Variants in NKAIN2 observed in about 807,000 individuals in gnomAD.
The protein encoded by NKAIN2 is sodium/potassium-transporting ATPase subunit beta-1-interacting protein 2.
In NKAIN2, 14 loss-of-function variants were observed where a neutral mutation model predicts 32.6. The observed-to-expected ratio is 0.43, with a 90% CI of 0.28 to 0.67. The LOEUF is 0.67. Ranked by LOEUF, NKAIN2 falls within the 30% of genes least tolerant of loss-of-function variation. The pLI, the probability that NKAIN2 is intolerant of heterozygous loss-of-function variation, is 0.17. For synonymous variants in NKAIN2, 80 were observed against 87.2 expected, an observed-to-expected ratio of 0.92 and a Z score of 0.46; for missense variants, 198 against 258.3, an observed-to-expected ratio of 0.77 and a Z score of 1.60.
intron 3 of NKAIN2, among the ~76,000 whole-genome samples, chr6:124,505,052 G>C (rs1393604504): frequency 6.6e-6 from 1 of 152,110 alleles, no homozygotes; most frequent in Non-Finnish European, 1.5e-5. Context: ...GAAATGAAAA[G>C]AAAGGCTTTA....
At chr6:124,620,979 T>TTC (rs1554236381) in intron 3 of NKAIN2, among the ~76,000 whole-genome samples, 1 of 152,184 alleles carries the variant, frequency 6.6e-6, no homozygotes, top group African/African-American at 2.4e-5. Flanking sequence ...AGTTGCTTTT[T>TTC]TCTCTCTCAC....
chr6:124,435,494 A>T (rs1775403711), intron 3 of NKAIN2, among the ~76,000 whole-genome samples: 1 of 152,170 alleles, frequency 6.6e-6, no homozygotes, highest in African/African-American at 2.4e-5. Context: ...TTCTCACAAC[A>T]ATCCTATGAT....
At chr6:124,701,318 C>A (rs1774780331) in intron 4 of NKAIN2, among the ~76,000 whole-genome samples, 1 of 151,930 alleles carries the variant, frequency 6.6e-6, no homozygotes, top group South Asian at 2.1e-4. Flanking sequence ...CAAAGTCTTT[C>A]TTAAGGACAA....
At chr6:124,412,668 G>C (rs1257099754) in intron 3 of NKAIN2, among the ~76,000 whole-genome samples, 1 of 152,162 alleles carries the variant, frequency 6.6e-6, no homozygotes, top group Non-Finnish European at 1.5e-5. Context: ...ATCTCAAGCT[G>C]CGTGCTGGGA....
chr6:123,874,656 T>C (rs1437549873), intron 1 of NKAIN2, among the ~76,000 whole-genome samples: 1 of 152,150 alleles, frequency 6.6e-6, no homozygotes, highest in Non-Finnish European at 1.5e-5. Context: ...ATATTGGCTC[T>C]TATTAAAATG....
chr6:124,160,000 GT>G (rs1217603447), intron 1 of NKAIN2, among the ~76,000 whole-genome samples: 1 of 152,126 alleles, frequency 6.6e-6, no homozygotes, highest in African/African-American at 2.4e-5. Flanking sequence ...CATCATGTGT[GT>G]TGGGAATTGG....
At chr6:124,673,366 C>T (rs546553620) in intron 4 of NKAIN2, among the ~76,000 whole-genome samples, 2 of 152,132 alleles carry the variant, frequency 1.3e-5, no homozygotes, top group Non-Finnish European at 1.5e-5. Context: ...TGCAGATGTT[C>T]GTTCAAGATT....
At chr6:124,217,953 T>C (rs1236274598) in intron 1 of NKAIN2, among the ~76,000 whole-genome samples, 1 of 152,120 alleles carries the variant, frequency 6.6e-6, no homozygotes, top group Admixed American at 6.6e-5. Context: ...AGTAACACTA[T>C]TGGCAATTTG....
intron 3 of NKAIN2, among the ~76,000 whole-genome samples, chr6:124,617,034 T>C (rs1222116423): frequency 6.6e-6 from 1 of 152,198 alleles, no homozygotes; most frequent in Non-Finnish European, 1.5e-5. Context: ...CCAGGTTAGT[T>C]TGAGTTCAAG....
At chr6:124,515,839 T>A (rs1778893317) in intron 3 of NKAIN2, among the ~76,000 whole-genome samples, 1 of 151,482 alleles carries the variant, frequency 6.6e-6, no homozygotes, top group Non-Finnish European at 1.5e-5. Flanking sequence ...TACAGGCTGT[T>A]CTCGTTTTTA....
chr6:123,879,940 A>C (rs1773371644), intron 1 of NKAIN2, among the ~76,000 whole-genome samples: 1 of 152,018 alleles, frequency 6.6e-6, no homozygotes, highest in Admixed American at 6.6e-5. Context: ...GCCTGAGCTC[A>C]TGTTCTCCCT....
intron 3 of NKAIN2, among the ~76,000 whole-genome samples, chr6:124,419,145 T>C (rs2114526948): frequency 6.6e-6 from 1 of 152,272 alleles, no homozygotes; most frequent in South Asian, 2.1e-4. Flanking sequence ...AGGAATCTTC[T>C]TTCACTTTCT....
At chr6:123,870,164 T>C (rs1582685428) in intron 1 of NKAIN2, among the ~76,000 whole-genome samples, 1 of 152,140 alleles carries the variant, frequency 6.6e-6, no homozygotes, top group African/African-American at 2.4e-5. Context: ...CTTGCTCTTA[T>C]TGAGTTTACA....
chr6:124,601,000 G>A (rs1365963962), intron 3 of NKAIN2, among the ~76,000 whole-genome samples: 2 of 151,980 alleles, frequency 1.3e-5, no homozygotes, highest in African/African-American at 2.4e-5. Flanking sequence ...TTCTGCTGCA[G>A]GTGCTATTTT....
intron 3 of NKAIN2, among the ~76,000 whole-genome samples, chr6:124,592,174 T>C (rs1422236691): frequency 6.6e-6 from 1 of 152,154 alleles, no homozygotes; most frequent in Non-Finnish European, 1.5e-5. Context: ...GAGCTAAACT[T>C]GGAGTTTGAT....
intron 1 of NKAIN2, among the ~76,000 whole-genome samples, chr6:124,122,732 G>T (rs944832370): frequency 6.6e-6 from 1 of 152,004 alleles, no homozygotes; most frequent in Non-Finnish European, 1.5e-5. Context: ...GAGAGTCTCT[G>T]GTCCTTAAAG....
chr6:124,234,685 C>T (rs1326053972), intron 1 of NKAIN2, among the ~76,000 whole-genome samples: 1 of 152,066 alleles, frequency 6.6e-6, no homozygotes, highest in Non-Finnish European at 1.5e-5. Flanking sequence ...CATCCTCCAT[C>T]GGTGTTGTCT....
rs185731899 is a variant in NKAIN2, at chr6:124,406,970, C to A, written c.273+51623C>A. Among the ~76,000 whole-genome samples, 852 of 152,066 alleles carry A rather than the reference C, an allele frequency of 5.6e-3. 1 individual carries two copies. The highest frequency in any genetic ancestry group is 0.02 in the Middle Eastern group (6 of 294). ...TTTATAATTTTATGTATATTCGATACAATTGCCTTATCAGATATATGACTT... is the reference window on the plus strand; with the variant it reads ...TTTATAATTTTATGTATATTCGATAAAATTGCCTTATCAGATATATGACTT... On this transcript the variant is annotated intron_variant, in intron 3 of 6. Coordinates refer to ENST00000368417, the MANE Select transcript of NKAIN2 (RefSeq NM_001040214.3).
At chr6:124,348,169 T>A (rs1798530516) in intron 2 of NKAIN2, among the ~76,000 whole-genome samples, 1 of 152,184 alleles carries the variant, frequency 6.6e-6, no homozygotes, top group African/African-American at 2.4e-5. Flanking sequence ...GATCCGCGAA[T>A]GCTGCTGTCT....
Sources: gnomAD v4.1 joint callset for allele counts (sites outside exome capture counted in the v4.1 genomes callset) on GRCh38, gnomAD v4.1.1 for gene constraint, MANE v1.5 for transcripts, NCBI Gene and HGNC (gene_info 2026-07-23, HGNC 2026-07-21) for gene names.